RAP1GAP: variants seen among roughly 807,000 people sequenced by gnomAD.
The protein encoded by RAP1GAP is RAP1 GTPase activating protein.
Under a neutral mutation model 87.2 loss-of-function variants are expected in RAP1GAP, and 35 were observed. That is an observed-to-expected ratio of 0.40 (90% CI 0.31 to 0.53). The LOEUF is 0.53. RAP1GAP is among the 20% of genes least tolerant of loss of function. The probability of loss-of-function intolerance (pLI) is 0.48; values close to 1 mark genes in which losing one functional copy is unlikely to be tolerated. For missense variants in RAP1GAP, 734 were observed against 898.9 expected (o/e 0.82, Z 2.35); for synonymous variants, 375 against 363.9 (o/e 1.03, Z -0.35).
intron 6 of RAP1GAP, among the ~76,000 whole-genome samples, chr1:21,617,729 C>T (rs979068464): frequency 6.6e-6 from 1 of 152,194 alleles, no homozygotes; most frequent in Non-Finnish European, 1.5e-5. Context: ...TGGAGCATGA[C>T]CTTGGCCCAG....
chr1:21,635,315 C>G (rs779742010), intron 2 of RAP1GAP, among the ~76,000 whole-genome samples: 20 of 152,206 alleles, frequency 1.3e-4, no homozygotes, highest in Non-Finnish European at 2.6e-4. Flanking sequence ...GGGGGTCTCC[C>G]TTCTCTGAGC....
rs1313099084 is a variant in RAP1GAP, at chr1:21,669,251, C to T, written c.-149+3G>A. 1.5e-5 allele frequency: 19 copies of T among 1,249,874 alleles called. No individual in the cohort carries two copies. The highest frequency in any genetic ancestry group is 2.0e-5 in the Non-Finnish European group (19 of 972,432). 77.4% of individuals were successfully genotyped at this position (1,249,874 alleles called of 1,614,324 possible). On this transcript the variant is annotated splice_donor_region_variant and intron_variant, in intron 1 of 24. Coordinates refer to ENST00000374765, the MANE Select transcript of RAP1GAP (RefSeq NM_002885.4). The surrounding 1 kb of genome is among the most constrained non-coding windows in gnomAD (Gnocchi z 5.6). ...GGCCGCAGCCCTGGCGGGGCGCACT[C>T]ACCCAAGGGCCTGGGCCGGGGGCGT...
chr1:21,645,618 G>A (rs1335863376), intron 2 of RAP1GAP, among the ~76,000 whole-genome samples: 1 of 152,224 alleles, frequency 6.6e-6, no homozygotes, highest in African/African-American at 2.4e-5. Flanking sequence ...CCAAGGGGAT[G>A]AGGCAGGAGG....
chr1:21,622,657 C>A lies in RAP1GAP; in HGVS notation c.-18-2607G>T, dbSNP rs2089387391. 6.7e-6 allele frequency: 1 copy of A among 148,634 alleles called. No individual in the cohort carries two copies. The highest frequency in any genetic ancestry group is 6.7e-5 in the Admixed American group (1 of 14,960). The allele number at this position is 148,634 out of a possible 1,614,324, so 9.2% of individuals were successfully genotyped here. A position where few individuals can be genotyped will look rare whatever the true frequency, so the allele number is the denominator to read the frequency against. On this transcript the variant is annotated intron_variant, in intron 3 of 24. Coordinates refer to ENST00000374765, the MANE Select transcript of RAP1GAP (RefSeq NM_002885.4). This position sits in a 1 kb window ranked among gnomAD's most constrained non-coding sequence, Gnocchi z 5.7. ...GGGCGCTGAAGCCACGCCCCCCGGG[C>A]GGCCCGGCCCGCGGCCCCGGGACAC...
chr1:21,618,937 G>T, intron 5 of RAP1GAP, 88 bp downstream of exon 5: 1 of 1,404,180 alleles, frequency 7.1e-7, no homozygotes. Flanking sequence ...AAAGGGGATG[G>T]ATTTCCTGCT....
chr1:21,648,051 C>A (rs2096239719), intron 2 of RAP1GAP, among the ~76,000 whole-genome samples: 1 of 152,188 alleles, frequency 6.6e-6, no homozygotes, highest in Non-Finnish European at 1.5e-5. Context: ...TGGAGTTAAG[C>A]GATGGCCTTT....
intron 2 of RAP1GAP, among the ~76,000 whole-genome samples, chr1:21,628,344 G>A (rs1306920551): frequency 7.7e-6 from 1 of 130,698 alleles, no homozygotes; most frequent in African/African-American, 3.1e-5. Flanking sequence ...CCTGAGGTCA[G>A]CAGTTCAAGA....
chr1:21,649,865 C>T (rs2096417101), intron 1 of RAP1GAP, 69 bp from the exon 2 acceptor site: 1 of 1,446,106 alleles, frequency 6.9e-7, no homozygotes, highest in Non-Finnish European at 9.5e-7. Flanking sequence ...CAGCATATCA[C>T]ACCCACCTGC....
intron 3 of RAP1GAP, among the ~76,000 whole-genome samples, chr1:21,620,436 C>T (rs530631864): frequency 7.9e-5 from 12 of 152,344 alleles, no homozygotes; most frequent in African/African-American, 2.9e-4. Context: ...GGGCAAGGCT[C>T]AGTCAACCAG....
intron 3 of RAP1GAP, among the ~76,000 whole-genome samples, chr1:21,625,197 C>T (rs1337394600): frequency 6.6e-6 from 1 of 152,236 alleles, no homozygotes; most frequent in East Asian, 1.9e-4. Flanking sequence ...TCTGCCCTCC[C>T]AGCCTAGGCA....
chr1:21,623,767 T>C (rs1344394076), intron 3 of RAP1GAP, among the ~76,000 whole-genome samples: 1 of 152,258 alleles, frequency 6.6e-6, no homozygotes, highest in Non-Finnish European at 1.5e-5. Context: ...CTTCCAGGCC[T>C]GAATGCTTCC....
At chr1:21,658,532 C>T (rs1334572165) in intron 1 of RAP1GAP, among the ~76,000 whole-genome samples, 2 of 151,850 alleles carry the variant, frequency 1.3e-5, no homozygotes, top group Admixed American at 1.3e-4. Context: ...CACAGCACTA[C>T]ACTCTAGCCT....
chr1:21,641,437 TC>T (rs1419330750), intron 2 of RAP1GAP, among the ~76,000 whole-genome samples: 1 of 152,146 alleles, frequency 6.6e-6, no homozygotes, highest in Admixed American at 6.5e-5. Context: ...GAGAGGCCCC[TC>T]CCTGATACCC....
In RAP1GAP at chr1:21,610,268, C is replaced by T. The variant is rs1267192630; in HGVS notation, c.851G>A (p.Arg284Gln). The change falls in exon 14 of 25, where the codon CGG becomes CAG. Residue 284 changes from arginine to glutamine, a missense_variant. Arg to Gln is a conservative substitution (Grantham distance 43, BLOSUM62 1). Coordinates refer to ENST00000374765, the MANE Select transcript of RAP1GAP (RefSeq NM_002885.4). ...GATGTCGTTCCCGATGTGCCGCTTC[C>T]GCTGCAACTGAGCACAAAGCCACGG... is the stretch of plus-strand genomic sequence containing the variant. ...YTEGDAQQLQ[R>Q]KRHIGNDIVA... 3.7e-6 allele frequency: 6 copies of T among 1,614,046 alleles called. No homozygotes were observed. The highest frequency in any genetic ancestry group is 4.2e-6 in the Non-Finnish European group (5 of 1,179,994).
rs77370360 is a variant in RAP1GAP at position 21,656,168 on chromosome 1, C to T, written c.-148-6372G>A. On this transcript the variant is annotated intron_variant, in intron 1 of 24. Transcript: ENST00000374765. The stretch of plus-strand genomic sequence containing the variant: ...TAACAGTGGGCTGGGCGCGGTGGCT[C>T]ACGCCTGTGATCCCAGCATTTTGGG... 1.9e-3 allele frequency among the ~76,000 whole-genome samples: 289 copies of T among 152,304 alleles called. 5 individuals are homozygous for T. The East Asian group carries it at 0.047, about 25-fold the overall frequency.
At chr1:21,646,652 C>T (rs954898141) in intron 2 of RAP1GAP, among the ~76,000 whole-genome samples, 5 of 152,304 alleles carry the variant, frequency 3.3e-5, no homozygotes, top group East Asian at 3.9e-4. Context: ...ATTTTCAGAA[C>T]GCTCCTACCT....
chr1:21,622,126 G>A lies in RAP1GAP; in HGVS notation c.-18-2076C>T, dbSNP rs2088354325. Among the ~76,000 whole-genome samples the A allele has an allele frequency of 1.3e-5, 2 of 152,300 alleles. No homozygotes were observed. Among genetic ancestry groups the A allele is most frequent in the South Asian group, 4.1e-4 (2 of 4,824 alleles). On this transcript the variant is annotated intron_variant, in intron 3 of 24. Transcript: ENST00000374765. The surrounding 1 kb of genome is among the most constrained non-coding windows in gnomAD (Gnocchi z 5.7). ...TGCCGCTGCAGCCCAGAGCCACAGT[G>A]CCACCCGGGAGGCCACAGCAAGAGC... is the stretch of plus-strand genomic sequence containing the variant.
In RAP1GAP at chr1:21,624,387, C is replaced by T. The variant is rs138499026; in HGVS notation, c.-19+1917G>A. 2.6e-3 allele frequency among the ~76,000 whole-genome samples: 396 copies of T among 152,318 alleles called. 1 individual carries two copies. The highest frequency in any genetic ancestry group is 4.4e-3 in the Non-Finnish European group (302 of 68,024). On this transcript the variant is annotated intron_variant, in intron 3 of 24. Coordinates refer to ENST00000374765, the MANE Select transcript of RAP1GAP (RefSeq NM_002885.4). The stretch of plus-strand genomic sequence containing the variant: ...GCAGGTAGAGAAGAAACTGTCACCT[C>T]TGTTTTACAGATGAGGAACCTGAGG...
At chr1:21,602,082 G>A (rs577389915) in intron 19 of RAP1GAP, among the ~76,000 whole-genome samples, 14 of 152,198 alleles carry the variant, frequency 9.2e-5, no homozygotes, top group Admixed American at 5.9e-4. Context: ...GCCCAGGGAC[G>A]CACAGCTAGG....
Sources: allele counts gnomAD v4.1 joint callset (sites outside exome capture counted in the v4.1 genomes callset), GRCh38; gene constraint gnomAD v4.1.1; non-coding constraint Gnocchi (gnomAD v3.1); transcripts MANE v1.5; gene names NCBI Gene and HGNC (gene_info 2026-07-23, HGNC 2026-07-21).